The following AMMECR1 variants were observed in gnomAD, a reference collection of about 807,000 sequenced individuals.
AMMECR1 encodes AMMECR nuclear protein 1.
Under a neutral mutation model 22.5 loss-of-function variants are expected in AMMECR1, and 3 were observed. The observed-to-expected ratio is 0.13, with a 90% CI of 0.06 to 0.35. AMMECR1 has a LOEUF of 0.35. AMMECR1 is among the 10% of genes least tolerant of loss of function. The pLI is 1.00. For missense variants in AMMECR1, 235 were observed against 278.7 expected, an observed-to-expected ratio of 0.84 and a Z score of 1.12; for synonymous variants, 130 against 116.7, an observed-to-expected ratio of 1.11 and a Z score of -0.74.
chrX:110,272,297 A>C (rs1043059125), intron 1 of AMMECR1, among the ~76,000 whole-genome samples: 3 of 111,544 alleles, frequency 2.7e-5, no homozygotes, highest in Non-Finnish European at 5.7e-5. Context: ...CCGATTCCTA[A>C]GCTAAATGTT....
At chrX:110,346,870 C>T (rs2068192074) in intron 2 of AMMECR1, 1 of 639,286 alleles carries the variant, frequency 1.6e-6, no homozygotes, top group East Asian at 3.2e-5. Flanking sequence ...AGCTGTTGAA[C>T]CACTTTCTTC....
chrX:110,283,728 C>T (rs2067864554), intron 1 of AMMECR1, among the ~76,000 whole-genome samples: 1 of 112,369 alleles, frequency 8.9e-6, no homozygotes, highest in Admixed American at 9.4e-5. Context: ...TAGAATTCAA[C>T]ATATAAATCT....
intron 1 of AMMECR1, among the ~76,000 whole-genome samples, chrX:110,271,965 T>C (rs2067801061): frequency 9.0e-6 from 1 of 111,361 alleles, no homozygotes; most frequent in African/African-American, 3.3e-5. Context: ...TGGCTCACGC[T>C]TGTACTTTGG....
intron 1 of AMMECR1, among the ~76,000 whole-genome samples, chrX:110,291,006 T>C (rs960742941): frequency 2.7e-5 from 3 of 111,710 alleles, no homozygotes; most frequent in South Asian, 3.7e-4. Flanking sequence ...TCTTGAAGTA[T>C]TGAGAGGCAG....
chrX:110,389,206 T>C (rs1008403037), intron 2 of AMMECR1, among the ~76,000 whole-genome samples: 10 of 112,865 alleles, frequency 8.9e-5, no homozygotes, highest in Non-Finnish European at 1.7e-4. Context: ...CAAGGAAATA[T>C]AGAATATGCA....
chrX:110,259,250 T>G (rs1217381138), intron 2 of AMMECR1, among the ~76,000 whole-genome samples: 1 of 111,590 alleles, frequency 9.0e-6, no homozygotes, highest in East Asian at 2.8e-4. Flanking sequence ...TCACCTTTTA[T>G]GTGGTCATAC....
At position 110,329,273 on chromosome X, in the gene AMMECR1, G is replaced by A. The variant is rs762663075; in HGVS notation, c.-147-11424C>T. Among the ~76,000 whole-genome samples, 11 of 112,308 alleles carry A rather than the reference G, an allele frequency of 9.8e-5. No homozygotes were observed. In the South Asian group the frequency reaches 3.7e-3, roughly 38 times the overall value. On this transcript the variant is annotated intron_variant, in intron 2 of 7. Coordinates refer to the AMMECR1 transcript ENST00000372057. Reference sequence around the variant, plus strand: ...CCGCATAAATGTCTTCTTTTGAGAAGTGTCTGTTCATATCCTTCGCCCACT... The same window carrying A: ...CCGCATAAATGTCTTCTTTTGAGAAATGTCTGTTCATATCCTTCGCCCACT...
intron 2 of AMMECR1, among the ~76,000 whole-genome samples, chrX:110,404,930 T>C (rs1426797690): frequency 8.9e-6 from 1 of 111,886 alleles, no homozygotes; most frequent in Non-Finnish European, 1.9e-5. Context: ...CGGAAGCAAA[T>C]TCTGTCATCC....
At chrX:110,348,109 C>A (rs548660043) in intron 2 of AMMECR1, among the ~76,000 whole-genome samples, 5 of 111,959 alleles carry the variant, frequency 4.5e-5, no homozygotes, top group Non-Finnish European at 9.4e-5. Flanking sequence ...TGGCCCATTT[C>A]TCATCCAAAA....
intron 1 of AMMECR1, among the ~76,000 whole-genome samples, chrX:110,268,904 C>T (rs1476357686): frequency 3.6e-5 from 4 of 111,606 alleles, no homozygotes; most frequent in Non-Finnish European, 7.5e-5. Context: ...CACCTACATA[C>T]ATTGAAAAAA....
rs367849919 is a variant in AMMECR1 at position 110,317,853 on chromosome X, G to T, written c.219C>A (p.Pro73=). 203 of 1,174,187 alleles carry T rather than the reference G, an allele frequency of 1.7e-4. No individual in the cohort carries two copies. Among genetic ancestry groups the T allele is most frequent in the Non-Finnish European group, 2.2e-4 (189 of 877,243 alleles). ...CCCCGCCGCCGCCGCCGCAGCCCTGGGGGGGAGAGAGGGTACAGCCGCTGC... is the reference window on the plus strand; with the variant it reads ...CCCCGCCGCCGCCGCCGCAGCCCTGTGGGGGAGAGAGGGTACAGCCGCTGC... The part of the protein sequence containing the change: ...GSGSGCTLSP[P]QGCGGGGGGI... Residue 73 remains proline, a synonymous_variant, in exon 1 of 6, where the codon CCC becomes CCA. Transcript: ENST00000262844.
chrX:110,392,884 T>C (rs1301290967), intron 2 of AMMECR1, among the ~76,000 whole-genome samples: 1 of 111,753 alleles, frequency 8.9e-6, no homozygotes, highest in African/African-American at 3.3e-5. Context: ...GATTTGATGG[T>C]ATGTATATGT....
chrX:110,400,120 C>A (rs983000515), intron 2 of AMMECR1, among the ~76,000 whole-genome samples: 1 of 109,032 alleles, frequency 9.2e-6, no homozygotes, highest in Non-Finnish European at 1.9e-5. Flanking sequence ...TGAATAGATA[C>A]CCAAGTTTTG....
chrX:110,283,713 G>C (rs1335373442), intron 1 of AMMECR1, among the ~76,000 whole-genome samples: 2 of 112,273 alleles, frequency 1.8e-5, no homozygotes, highest in African/African-American at 6.5e-5. Context: ...CATCATCTTG[G>C]AGATTAGAAT....
chrX:110,342,828 A>G (rs906902580), intron 2 of AMMECR1, among the ~76,000 whole-genome samples: 1 of 111,952 alleles, frequency 8.9e-6, no homozygotes, highest in Non-Finnish European at 1.9e-5. Flanking sequence ...TTTTGCTTTC[A>G]GTAGTTTCAT....
At chrX:110,221,500 G>C (rs2067499715) in intron 2 of AMMECR1, among the ~76,000 whole-genome samples, 1 of 111,848 alleles carries the variant, frequency 8.9e-6, no homozygotes, top group East Asian at 2.8e-4. Flanking sequence ...TAAGGAAGGA[G>C]GAAAGGTGCC....
chrX:110,239,763 A>G (rs776067125), intron 2 of AMMECR1, among the ~76,000 whole-genome samples: 1 of 111,280 alleles, frequency 9.0e-6, no homozygotes, highest in African/African-American at 3.3e-5. Flanking sequence ...AGATCCACCA[A>G]GGTTGAAATG....
chrX:110,346,508 A>C (rs1406873240), intron 2 of AMMECR1, among the ~76,000 whole-genome samples: 1 of 112,442 alleles, frequency 8.9e-6, no homozygotes, highest in African/African-American at 3.2e-5. Context: ...AATGTATATA[A>C]AACAATTACC....
At chrX:110,405,789 G>A (rs749551938) in intron 2 of AMMECR1, among the ~76,000 whole-genome samples, 11 of 111,823 alleles carry the variant, frequency 9.8e-5, no homozygotes, top group Non-Finnish European at 1.3e-4. Flanking sequence ...CACCCAGCTA[G>A]TAAGTGGAGG....
Sources: allele counts gnomAD v4.1 joint callset (sites outside exome capture counted in the v4.1 genomes callset), GRCh38; gene constraint gnomAD v4.1.1; transcripts MANE v1.5; gene names NCBI Gene and HGNC (gene_info 2026-07-23, HGNC 2026-07-21).